The following MARCHF9 variants were observed in gnomAD, a reference collection of about 807,000 sequenced individuals.
MARCHF9 encodes the protein E3 ubiquitin-protein ligase MARCHF9.
In MARCHF9, 17 loss-of-function variants were observed where a neutral mutation model predicts 35.2. That is an observed-to-expected ratio of 0.48 (90% CI 0.33 to 0.72). MARCHF9 has a LOEUF of 0.72. MARCHF9 is among the 30% of genes least tolerant of loss of function. MARCHF9 has a pLI of 0.02. For missense variants in MARCHF9, 386 were observed against 478.2 expected (o/e 0.81, Z 1.80); for synonymous variants, 183 against 207.4 (o/e 0.88, Z 1.01).
At chr12:57,755,969 C>A in intron 1 of MARCHF9, 84 bp downstream of exon 1, 1 of 1,041,408 alleles carries the variant, frequency 9.6e-7, no homozygotes, top group Non-Finnish European at 1.2e-6. Context: ...GGCGCGGCGC[C>A]TAAGGAGGCT....
chr12:57,756,964 A>G lies in MARCHF9; in HGVS notation c.393A>G (p.Ser131=), dbSNP rs756160702. ...TAAGCCCCTGCCGCTGCGACGGCTC[A>G]GTGCGCTGCACGCATCAGCCCTGCC... ...ELLSPCRCDG[S]VRCTHQPCLI... The change falls in exon 2 of 4, where the codon TCA becomes TCG. Residue 131 remains serine (S), a synonymous_variant. Coordinates refer to ENST00000266643, the MANE Select transcript of MARCHF9 (RefSeq NM_138396.6). The G allele has an allele frequency of 4.4e-6, 7 of 1,588,216 alleles. No individual in the cohort carries two copies. The African/African-American group carries it at 9.5e-5, about 22-fold the overall frequency.
At position 57,758,307 on chromosome 12, in the gene MARCHF9, G is replaced by A. The variant is rs771558981; in HGVS notation, c.706+7G>A. ...ATGGATGTCGTCTGCATAGGTGAGG[G>A]CACCTCTCTCTCCTTTACCTGCTCT... is the stretch of plus-strand genomic sequence containing the variant. On this transcript the variant is annotated splice_region_variant and intron_variant, in intron 3 of 3. Coordinates refer to ENST00000266643, the MANE Select transcript of MARCHF9 (RefSeq NM_138396.6). This position sits in a 1 kb window ranked among gnomAD's most constrained non-coding sequence, Gnocchi z 5.4. The A allele has an allele frequency of 1.9e-6, 3 of 1,602,868 alleles. No individual in the cohort carries two copies. Among genetic ancestry groups the A allele is most frequent in the Non-Finnish European group, 8.5e-7 (1 of 1,171,336 alleles).
Position 57,755,590 on chromosome 12 carries a change from G to T in MARCHF9, c.62G>T (p.Gly21Val), listed in dbSNP as rs995102675. Residue 21 changes from glycine to valine, a missense_variant, in exon 1 of 4, where the codon GGG (glycine) becomes GTG (valine). Transcript: ENST00000266643. ...CTGAAGCTGCTGGTGCTGACAGGCG[G>T]GGGGCGGCCCCGGGCCGAGCCGCAA... Reference protein sequence around the residue: ...NELKLLVLTGGGRPRAEPQPR... With the variant: ...NELKLLVLTGVGRPRAEPQPR... 2.9e-6 allele frequency: 4 copies of T among 1,402,558 alleles called. No homozygotes were observed. The highest frequency in any genetic ancestry group is 3.7e-6 in the Non-Finnish European group (4 of 1,075,534). 86.9% of individuals were successfully genotyped at this position (1,402,558 alleles called of 1,614,324 possible). A position where few individuals can be genotyped will look rare whatever the true frequency, so the allele number is the denominator to read the frequency against.
Position 57,758,803 on chromosome 12 carries a change from CAAT to C in MARCHF9, c.948_950del (p.Ile317del). On this transcript the variant is annotated inframe_deletion, in exon 4 of 4. Coordinates refer to ENST00000266643, the MANE Select transcript of MARCHF9 (RefSeq NM_138396.6). The surrounding 1 kb of genome is among the most constrained non-coding windows in gnomAD (Gnocchi z 5.4). ...CTCTTGCCTCAGCGCTGCGGTTATA[CAAT>C]CTTGCACCTCCTTGGGCAGCTGCGG... The C allele has an allele frequency of 1.2e-6, 2 of 1,613,316 alleles. No individual in the cohort carries two copies. The highest frequency in any genetic ancestry group is 1.7e-6 in the Non-Finnish European group (2 of 1,179,838).
Position 57,758,208 on chromosome 12 carries a change from C to T in MARCHF9, c.614C>T (p.Ser205Phe). Reference sequence around the variant, plus strand: ...GCCAGCATCTCCTGGCTCATCTGGTCCTCACTCAGCCCTTCAGCCAAGTGG... The same window carrying T: ...GCCAGCATCTCCTGGCTCATCTGGTTCTCACTCAGCCCTTCAGCCAAGTGG... The part of the protein sequence containing the change: ...LVASISWLIW[S>F]SLSPSAKWQR... Residue 205 changes from serine (S) to phenylalanine (F), a missense_variant, in exon 3 of 4, where the codon TCC (serine) becomes TTC (phenylalanine). Ser to Phe is a radical substitution (Grantham distance 155). This residue lies in a region of MARCHF9 where 219 missense variants were observed against 316.2 expected (regional missense o/e 0.69). Coordinates refer to ENST00000266643, the MANE Select transcript of MARCHF9 (RefSeq NM_138396.6). The surrounding 1 kb of genome is among the most constrained non-coding windows in gnomAD (Gnocchi z 5.4). 1 of 1,614,262 alleles carries T rather than the reference C, an allele frequency of 6.2e-7. No homozygotes were observed. The highest frequency in any genetic ancestry group is 8.5e-7 in the Non-Finnish European group (1 of 1,180,042).
rs950987759 is a variant in MARCHF9, at chr12:57,755,628, C to T, written c.100C>T (p.Arg34Trp). Reference protein sequence around the residue: ...PRAEPQPRGGRGGGCGWAPFA... With the variant: ...PRAEPQPRGGWGGGCGWAPFA... Reference sequence around the variant, plus strand: ...GGCCGAGCCGCAACCCCGGGGGGGCCGGGGAGGCGGCTGCGGCTGGGCGCC... The same window carrying T: ...GGCCGAGCCGCAACCCCGGGGGGGCTGGGGAGGCGGCTGCGGCTGGGCGCC... Residue 34 changes from arginine (R) to tryptophan (W), a missense_variant, in exon 1 of 4, where the codon CGG (arginine) becomes TGG (tryptophan). By Grantham distance (101) the Arg-to-Trp change is moderately radical. Around this residue, in one of 3 missense-constraint regions of MARCHF9, gnomAD observed 56 missense variants for 49.6 expected, o/e 1.13. Coordinates refer to ENST00000266643, the MANE Select transcript of MARCHF9 (RefSeq NM_138396.6). 5.3e-6 allele frequency: 7 copies of T among 1,327,996 alleles called. No individual in the cohort carries two copies. Among genetic ancestry groups the T allele is most frequent in the African/African-American group, 1.5e-5 (1 of 64,650 alleles). 82.3% of individuals were successfully genotyped at this position (1,327,996 alleles called of 1,614,324 possible). A position where few individuals can be genotyped will look rare whatever the true frequency, so the allele number is the denominator to read the frequency against.
At chr12:57,755,928 G>A in intron 1 of MARCHF9, 43 bp downstream of exon 1, 1 of 1,364,274 alleles carries the variant, frequency 7.3e-7, no homozygotes, top group Non-Finnish European at 9.5e-7. Context: ...GTGGAGGCGC[G>A]CACCTGGGGT....
At position 57,756,946 on chromosome 12, in the gene MARCHF9, C is replaced by G; in HGVS notation, c.375C>G (p.Pro125=). ...QGPEQGELLS[P]CRCDGSVRCT... ...TCCTCCAGGGGGAGCTCTTAAGCCC[C>G]TGCCGCTGCGACGGCTCAGTGCGCT... is the stretch of plus-strand genomic sequence containing the variant. Residue 125 remains proline (P), a synonymous_variant, in exon 2 of 4, where the codon CCC becomes CCG. Transcript: ENST00000266643. The G allele has an allele frequency of 6.4e-7, 1 of 1,572,586 alleles. No homozygotes were observed.
In MARCHF9 at chr12:57,759,336, T is replaced by G; in HGVS notation, c.*439T>G. The G allele has an allele frequency of 2.5e-5, 4 of 159,338 alleles. No homozygotes were observed. The highest frequency in any genetic ancestry group is 4.1e-5 in the Non-Finnish European group (3 of 72,324). 9.9% of individuals were successfully genotyped at this position (159,338 alleles called of 1,614,324 possible). A position where few individuals can be genotyped will look rare whatever the true frequency, so the allele number is the denominator to read the frequency against. ...AAGACTAGTATACATTGACCTCCCGTTCCCTGCATGAGGGCGGGGAGTTCC... is the reference window on the plus strand; with the variant it reads ...AAGACTAGTATACATTGACCTCCCGGTCCCTGCATGAGGGCGGGGAGTTCC... On this transcript the variant is annotated 3_prime_UTR_variant, in exon 4 of 4. Coordinates refer to ENST00000266643, the MANE Select transcript of MARCHF9 (RefSeq NM_138396.6).
rs2140391991 is a variant in MARCHF9 at position 57,755,539 on chromosome 12, C to T, written c.11C>T (p.Ser4Phe). Residue 4 changes from serine to phenylalanine, a missense_variant, in exon 1 of 4, where the codon TCT (serine) becomes TTT (phenylalanine). By Grantham distance (155) the Ser-to-Phe change is radical. Coordinates refer to ENST00000266643, the MANE Select transcript of MARCHF9 (RefSeq NM_138396.6). Reference protein sequence around the residue: MLKSRLRMFLNELK... With the variant: MLKFRLRMFLNELK... ...CCCGGTGTCCGGACGATGCTCAAGTCTCGGCTCCGCATGTTTCTGAACGAG... is the reference window on the plus strand; with the variant it reads ...CCCGGTGTCCGGACGATGCTCAAGTTTCGGCTCCGCATGTTTCTGAACGAG... The T allele has an allele frequency of 8.3e-7, 1 of 1,203,134 alleles. No homozygotes were observed. The highest frequency in any genetic ancestry group is 6.3e-5 in the East Asian group (1 of 15,874). The allele number at this position is 1,203,134 out of a possible 1,614,324, so 74.5% of individuals were successfully genotyped here.
chr12:57,758,084 T>C lies in MARCHF9; in HGVS notation c.514-24T>C. ...GGCCCTCCATCCCTTTCTGGGACTCTTTGGAGCCCTTTCTCCCACACAGTG... is the reference window on the plus strand; with the variant it reads ...GGCCCTCCATCCCTTTCTGGGACTCCTTGGAGCCCTTTCTCCCACACAGTG... On this transcript the variant is annotated intron_variant, in intron 2 of 3. Transcript: ENST00000266643. The surrounding 1 kb of genome is among the most constrained non-coding windows in gnomAD (Gnocchi z 5.4). The C allele has an allele frequency of 6.2e-7, 1 of 1,614,106 alleles. No homozygotes were observed. The highest frequency in any genetic ancestry group is 8.5e-7 in the Non-Finnish European group (1 of 1,180,006).
At position 57,755,799 on chromosome 12, in the gene MARCHF9, G is replaced by T; in HGVS notation, c.271G>T (p.Ala91Ser). Residue 91 changes from alanine to serine, a missense_variant, in exon 1 of 4, where the codon GCG (alanine) becomes TCG (serine). Physicochemically the swap from Ala to Ser is moderately conservative, Grantham distance 99. Transcript: ENST00000266643. ...PPAPPLPPPG[A>S]LDALSLSSSL... ...CGCGCCGCCGCTGCCGCCCCCGGGC[G>T]CGCTGGACGCCCTGTCGCTCAGCAG... 1.5e-6 allele frequency: 2 copies of T among 1,330,922 alleles called. No individual in the cohort carries two copies. Among genetic ancestry groups the T allele is most frequent in the Non-Finnish European group, 1.9e-6 (2 of 1,041,768 alleles). The allele number at this position is 1,330,922 out of a possible 1,614,324, so 82.4% of individuals were successfully genotyped here.
In MARCHF9 at chr12:57,758,488, GA is replaced by G; in HGVS notation, c.707-72del. 6.8e-7 allele frequency: 1 copy of G among 1,463,554 alleles called. No individual in the cohort carries two copies. The highest frequency in any genetic ancestry group is 9.2e-7 in the Non-Finnish European group (1 of 1,089,564). The allele number at this position is 1,463,554 out of a possible 1,614,324, so 90.7% of individuals were successfully genotyped here. On this transcript the variant is annotated intron_variant, in intron 3 of 3. Transcript: ENST00000266643. The surrounding 1 kb of genome is among the most constrained non-coding windows in gnomAD (Gnocchi z 5.4). ...TGCAACTGTATCTTCTCACTCTGAA[GA>G]AATGCTTGCTTAAGTACCTCTGGCC...
chr12:57,758,722 C>A lies in MARCHF9; in HGVS notation c.866C>A (p.Thr289Lys). Residue 289 changes from threonine to lysine, a missense_variant, in exon 4 of 4, where the codon ACG (threonine) becomes AAG (lysine). Physicochemically the swap from Thr to Lys is moderately conservative, Grantham distance 78. This residue lies in a region of MARCHF9 where 111 missense variants were observed against 112.4 expected (regional missense o/e 0.99). Transcript: ENST00000266643. The surrounding 1 kb of genome is among the most constrained non-coding windows in gnomAD (Gnocchi z 5.4). ...AGKSGPRNSR[T>K]GPTSGATSRP... ...AAGTCAGGCCCCAGGAACTCACGGA[C>A]GGGCCCCACCTCTGGGGCCACGAGC... 1 of 1,609,796 alleles carries A rather than the reference C, an allele frequency of 6.2e-7. No individual in the cohort carries two copies. Among genetic ancestry groups the A allele is most frequent in the Non-Finnish European group, 8.5e-7 (1 of 1,178,230 alleles).
At position 57,758,173 on chromosome 12, in the gene MARCHF9, C is replaced by T; in HGVS notation, c.579C>T (p.Leu193=). The T allele has an allele frequency of 6.2e-7, 1 of 1,614,252 alleles. No homozygotes were observed. Among genetic ancestry groups the T allele is most frequent in the Non-Finnish European group, 8.5e-7 (1 of 1,180,046 alleles). The change falls in exon 3 of 4, where the codon CTC becomes CTT. Residue 193 remains leucine, a synonymous_variant. Coordinates refer to ENST00000266643, the MANE Select transcript of MARCHF9 (RefSeq NM_138396.6). This position sits in a 1 kb window ranked among gnomAD's most constrained non-coding sequence, Gnocchi z 5.4. ...VQIAAIVLGS[L]FLVASISWLI... is the part of the protein sequence containing the mutation. ...TTGCTGCCATAGTTCTGGGCTCGCT[C>T]TTCCTGGTTGCCAGCATCTCCTGGC...
chr12:57,755,800 C>A lies in MARCHF9; in HGVS notation c.272C>A (p.Ala91Glu). ...PPAPPLPPPG[A>E]LDALSLSSSL... is the part of the protein sequence containing the mutation. ...GCGCCGCCGCTGCCGCCCCCGGGCGCGCTGGACGCCCTGTCGCTCAGCAGT... is the reference window on the plus strand; with the variant it reads ...GCGCCGCCGCTGCCGCCCCCGGGCGAGCTGGACGCCCTGTCGCTCAGCAGT... Residue 91 changes from alanine to glutamate, a missense_variant, in exon 1 of 4, where the codon GCG becomes GAG. Coordinates refer to ENST00000266643, the MANE Select transcript of MARCHF9 (RefSeq NM_138396.6). The A allele has an allele frequency of 7.5e-7, 1 of 1,335,194 alleles. No individual in the cohort carries two copies. 82.7% of individuals were successfully genotyped at this position (1,335,194 alleles called of 1,614,324 possible). A position where few individuals can be genotyped will look rare whatever the true frequency, so the allele number is the denominator to read the frequency against.
At position 57,755,533 on chromosome 12, in the gene MARCHF9, T is replaced by C; in HGVS notation, c.5T>C (p.Leu2Pro). The change falls in exon 1 of 4, where the codon CTC becomes CCC. Residue 2 changes from leucine (L) to proline (P), a missense_variant. Leu to Pro is a moderately conservative substitution (Grantham distance 98). Transcript: ENST00000266643. M[L>P]KSRLRMFLNE... The stretch of plus-strand genomic sequence containing the variant: ...CCCGCCCCCGGTGTCCGGACGATGC[T>C]CAAGTCTCGGCTCCGCATGTTTCTG... The C allele has an allele frequency of 8.9e-7, 1 of 1,125,070 alleles. No individual in the cohort carries two copies. The highest frequency in any genetic ancestry group is 1.1e-6 in the Non-Finnish European group (1 of 907,950). The allele number at this position is 1,125,070 out of a possible 1,614,324, so 69.7% of individuals were successfully genotyped here.
In MARCHF9 at chr12:57,758,912, G is replaced by A; in HGVS notation, c.*15G>A. On this transcript the variant is annotated 3_prime_UTR_variant, in exon 4 of 4. Transcript: ENST00000266643. The surrounding 1 kb of genome is among the most constrained non-coding windows in gnomAD (Gnocchi z 5.4). ...CTACAGTCTGAACTGGACTCCAGGA[G>A]CAGGGATCTTGAGTCAATGCATCAG... 1 of 1,558,976 alleles carries A rather than the reference G, an allele frequency of 6.4e-7. No individual in the cohort carries two copies. The highest frequency in any genetic ancestry group is 1.2e-5 in the South Asian group (1 of 84,614).
rs1219877950 is a variant in MARCHF9 at position 57,755,465 on chromosome 12, TC to T, written c.-60del. The T allele has an allele frequency of 1.8e-6, 1 of 564,112 alleles. No individual in the cohort carries two copies. The highest frequency in any genetic ancestry group is 2.5e-6 in the Non-Finnish European group (1 of 404,360). 34.9% of individuals were successfully genotyped at this position (564,112 alleles called of 1,614,324 possible). A position where few individuals can be genotyped will look rare whatever the true frequency, so the allele number is the denominator to read the frequency against. On this transcript the variant is annotated 5_prime_UTR_variant, in exon 1 of 4. Transcript: ENST00000266643. The stretch of plus-strand genomic sequence containing the variant: ...GCGCCCCCTTCCCGGCCTTGTCCTC[TC>T]CCCTCCCCCCGCCGCTAGCGAGCCC...
Sources: gnomAD v4.1 joint callset for allele counts on GRCh38, gnomAD v4.1.1 for gene constraint, gnomAD v4.1.1 regional missense constraint, Gnocchi (gnomAD v3.1) non-coding constraint, MANE v1.5 for transcripts, NCBI Gene and HGNC (gene_info 2026-07-23, HGNC 2026-07-21) for gene names.